CRISPLD2: variants seen among roughly 807,000 people sequenced by gnomAD.
CRISPLD2 encodes the protein cysteine-rich secretory protein LCCL domain-containing 2.
CRISPLD2 carries 47 observed loss-of-function variants against 71.1 expected under a neutral mutation model. The ratio of observed to expected loss-of-function variants is 0.66; its 90% CI spans 0.52 to 0.84. The LOEUF (loss-of-function observed/expected upper bound fraction) is 0.84. Among genes scored for constraint, CRISPLD2 ranks in the 40% least tolerant of loss-of-function variants. CRISPLD2 has a pLI of 0.00. For missense variants in CRISPLD2, 830 were observed against 651.1 expected (o/e 1.27, Z -2.99); for synonymous variants, 317 against 250.1 (o/e 1.27, Z -2.52).
intron 6 of CRISPLD2, among the ~76,000 whole-genome samples, chr16:84,865,531 T>C (rs1345675937): frequency 2.0e-5 from 3 of 152,192 alleles, no homozygotes; most frequent in African/African-American, 7.2e-5. Context: ...GAAATTGTTT[T>C]CACCCAAATA....
At chr16:84,881,039 C>T (rs902523939) in intron 13 of CRISPLD2, among the ~76,000 whole-genome samples, 1 of 152,078 alleles carries the variant, frequency 6.6e-6, no homozygotes, top group Non-Finnish European at 1.5e-5. Flanking sequence ...CTCATTTCTG[C>T]AAACATTTTC....
chr16:84,898,387 C>T (rs897283796), intron 14 of CRISPLD2, among the ~76,000 whole-genome samples: 2 of 152,166 alleles, frequency 1.3e-5, no homozygotes, highest in Non-Finnish European at 2.9e-5. Flanking sequence ...CCTCTCTGTG[C>T]ATCTTCCTCC....
At chr16:84,846,543 C>T (rs969692689) in intron 3 of CRISPLD2, among the ~76,000 whole-genome samples, 6 of 152,116 alleles carry the variant, frequency 3.9e-5, no homozygotes, top group Non-Finnish European at 8.8e-5. Flanking sequence ...CATGAGCCAC[C>T]GCGCCTGGCC....
chr16:84,860,476 G>T (rs1917349695), intron 6 of CRISPLD2, among the ~76,000 whole-genome samples: 2 of 152,168 alleles, frequency 1.3e-5, no homozygotes, highest in Admixed American at 1.3e-4. Context: ...GAAGCAAACA[G>T]GGATGTTGGG....
chr16:84,858,043 A>G (rs1284539864), intron 6 of CRISPLD2, among the ~76,000 whole-genome samples: 1 of 152,182 alleles, frequency 6.6e-6, no homozygotes, highest in Admixed American at 6.5e-5. Context: ...ACAGGCCAAG[A>G]GCTGTCTCTC....
At chr16:84,896,376 C>T (rs1307103906) in intron 14 of CRISPLD2, among the ~76,000 whole-genome samples, 1 of 151,874 alleles carries the variant, frequency 6.6e-6, no homozygotes, top group Non-Finnish European at 1.5e-5. Flanking sequence ...AAAAAAAAGA[C>T]TATATATAGA....
chr16:84,874,192 G>A (rs1419642414), intron 11 of CRISPLD2, among the ~76,000 whole-genome samples: 2 of 152,326 alleles, frequency 1.3e-5, no homozygotes, highest in Non-Finnish European at 2.9e-5. Flanking sequence ...GGCTGAGGTT[G>A]CCAGCTGAAT....
chr16:84,824,772 T>G (rs1241526578), intron 1 of CRISPLD2, among the ~76,000 whole-genome samples: 3 of 152,162 alleles, frequency 2.0e-5, no homozygotes, highest in African/African-American at 4.8e-5. Context: ...TTAAAGTAAA[T>G]TTCTTGGAAC....
intron 4 of CRISPLD2, among the ~76,000 whole-genome samples, chr16:84,849,845 G>C (rs1917032752): frequency 6.7e-6 from 1 of 150,094 alleles, no homozygotes; most frequent in Admixed American, 6.7e-5. Flanking sequence ...AGCCTCCTGA[G>C]TACCTGGGAC....
At chr16:84,845,304 A>T (rs1024975879) in intron 2 of CRISPLD2, among the ~76,000 whole-genome samples, 1 of 152,196 alleles carries the variant, frequency 6.6e-6, no homozygotes, top group African/African-American at 2.4e-5. Context: ...TGCCTGGAAC[A>T]TGCGTAGTAA....
intron 3 of CRISPLD2, among the ~76,000 whole-genome samples, chr16:84,847,772 G>A (rs928463196): frequency 6.6e-6 from 1 of 152,160 alleles, no homozygotes; most frequent in African/African-American, 2.4e-5. Flanking sequence ...GCACCTGGCT[G>A]GGCGCCGACG....
At chr16:84,891,549 C>A (rs2071662948) in intron 14 of CRISPLD2, among the ~76,000 whole-genome samples, 1 of 152,212 alleles carries the variant, frequency 6.6e-6, no homozygotes, top group Non-Finnish European at 1.5e-5. Context: ...AATGAAGCAG[C>A]TGATTAGGAG....
At chr16:84,858,817 C>T (rs1392018996) in intron 6 of CRISPLD2, among the ~76,000 whole-genome samples, 1 of 152,204 alleles carries the variant, frequency 6.6e-6, no homozygotes, top group Non-Finnish European at 1.5e-5. Context: ...TTTTCCAAGT[C>T]AGTGGCTGCA....
chr16:84,828,779 G>C (rs1408416005), intron 1 of CRISPLD2, among the ~76,000 whole-genome samples: 1 of 151,910 alleles, frequency 6.6e-6, no homozygotes, highest in African/African-American at 2.4e-5. Context: ...ATAAGAGTTT[G>C]TTGAATGACT....
intron 14 of CRISPLD2, among the ~76,000 whole-genome samples, chr16:84,892,602 G>C (rs145800265): frequency 6.6e-6 from 1 of 152,218 alleles, no homozygotes; most frequent in Non-Finnish European, 1.5e-5. Flanking sequence ...TCCTGAGCCC[G>C]TTTGGAGATG....
At position 84,873,041 on chromosome 16, in the gene CRISPLD2, A is replaced by G; in HGVS notation, c.1031A>G (p.Lys344Arg). Residue 344 changes from lysine to arginine, a missense_variant, in exon 10 of 15, where the codon AAG (lysine) becomes AGG (arginine). By Grantham distance (26) the Lys-to-Arg change is conservative (BLOSUM62 2). Transcript: ENST00000262424. ...ATCCACTACGGGATCCTGGATGACA[A>G]GGGAGGCCTGGTGGATATCACCAGG... is the stretch of plus-strand genomic sequence containing the variant. ...AAIHYGILDD[K>R]GGLVDITRNG... 1.2e-6 allele frequency: 2 copies of G among 1,613,906 alleles called. No individual in the cohort carries two copies. The highest frequency in any genetic ancestry group is 1.7e-6 in the Non-Finnish European group (2 of 1,179,940).
chr16:84,833,219 T>A (rs942835127), intron 1 of CRISPLD2, among the ~76,000 whole-genome samples: 1 of 152,164 alleles, frequency 6.6e-6, no homozygotes, highest in Non-Finnish European at 1.5e-5. Context: ...GTCGCTTTGA[T>A]TCGCCAGCTG....
At chr16:84,833,856 C>G (rs141322195) in intron 1 of CRISPLD2, among the ~76,000 whole-genome samples, 1 of 152,282 alleles carries the variant, frequency 6.6e-6, no homozygotes, top group African/African-American at 2.4e-5. Context: ...TGCCCTGACT[C>G]CCCCAGCCCA....
At position 84,880,765 on chromosome 16, in the gene CRISPLD2, G is replaced by C. The variant is rs536871563; in HGVS notation, c.1305+181G>C. On this transcript the variant is annotated intron_variant, in intron 13 of 14. Transcript: ENST00000262424. ...CTGTTGCCCAGGCTGGAGTACAGTGGAGTAATCTTGGCCCACTGTAACCTC... is the reference window on the plus strand; with the variant it reads ...CTGTTGCCCAGGCTGGAGTACAGTGCAGTAATCTTGGCCCACTGTAACCTC... 6.5e-5 allele frequency: 31 copies of C among 478,278 alleles called. No homozygotes were observed. The Admixed American group carries it at 8.9e-4, about 14-fold the overall frequency. 29.6% of individuals were successfully genotyped at this position (478,278 alleles called of 1,614,324 possible). A position where few individuals can be genotyped will look rare whatever the true frequency, so the allele number is the denominator to read the frequency against.
Sources: gnomAD v4.1 joint callset for allele counts (sites outside exome capture counted in the v4.1 genomes callset) on GRCh38, gnomAD v4.1.1 for gene constraint, MANE v1.5 for transcripts, NCBI Gene and HGNC (gene_info 2026-07-23, HGNC 2026-07-21) for gene names.